The following COL4A6 variants were observed in gnomAD, a reference collection of about 807,000 sequenced individuals.
The protein encoded by COL4A6 is collagen alpha-6(IV) chain.
In COL4A6, 59 loss-of-function variants were observed where a neutral mutation model predicts 126.7. The observed-to-expected ratio is 0.47, with a 90% CI of 0.38 to 0.58. The LOEUF (loss-of-function observed/expected upper bound fraction) is 0.58. COL4A6 is among the 20% of genes least tolerant of loss of function. The probability of loss-of-function intolerance (pLI) is 0.00; values close to 1 mark genes in which losing one functional copy is unlikely to be tolerated. For missense variants in COL4A6, 1,285 were observed against 1,337.3 expected, an observed-to-expected ratio of 0.96 and a Z score of 0.61; for synonymous variants, 547 against 496.6, an observed-to-expected ratio of 1.10 and a Z score of -1.35.
chrX:108,275,243 A>T (rs746894269), intron 3 of COL4A6, among the ~76,000 whole-genome samples: 1 of 111,878 alleles, frequency 8.9e-6, no homozygotes, highest in South Asian at 3.8e-4. Flanking sequence ...AGAACCTTCT[A>T]TTGCTTCCAA....
intron 3 of COL4A6, among the ~76,000 whole-genome samples, chrX:108,287,149 T>C (rs1339838341): frequency 1.8e-5 from 2 of 112,207 alleles, no homozygotes; most frequent in Non-Finnish European, 3.8e-5. Flanking sequence ...GTCTTTCATG[T>C]CTTGACTTAA....
intron 2 of COL4A6, among the ~76,000 whole-genome samples, chrX:108,343,994 T>C (rs1393167830): frequency 4.5e-5 from 5 of 110,978 alleles, no homozygotes; most frequent in Admixed American, 9.6e-5. Flanking sequence ...TAAAATTGCA[T>C]GTTTTTTTTT....
At chrX:108,302,223 G>T (rs1221886592) in intron 3 of COL4A6, among the ~76,000 whole-genome samples, 2 of 111,450 alleles carry the variant, frequency 1.8e-5, no homozygotes. Context: ...TAAATAAAAA[G>T]TGTAAAAGGA....
At chrX:108,418,784 CT>C (rs1020973270) in intron 2 of COL4A6, among the ~76,000 whole-genome samples, 2 of 111,955 alleles carry the variant, frequency 1.8e-5, no homozygotes, top group Non-Finnish European at 3.8e-5. Context: ...TTTGACAAGT[CT>C]TCTTTTTCTT....
chrX:108,182,098 T>A (rs1049700350), intron 23 of COL4A6, among the ~76,000 whole-genome samples: 3 of 112,377 alleles, frequency 2.7e-5, no homozygotes, highest in Non-Finnish European at 5.6e-5. Context: ...CAAGTTGGGC[T>A]CTGAAGCCAG....
chrX:108,161,510 C>T lies in COL4A6; in HGVS notation c.4333+109G>A, dbSNP rs774413385. On this transcript the variant is annotated intron_variant, in intron 42 of 44. Coordinates refer to ENST00000334504, the MANE Select transcript of COL4A6 (RefSeq NM_033641.4). ...AGCATCTTAGGAGTGTCAAGCTCTA[C>T]CACTGGGTTTATTAAGTTTCAGACT... 33 of 504,959 alleles carry T rather than the reference C, an allele frequency of 6.5e-5. No individual in the cohort carries two copies. In the South Asian group the frequency reaches 9.1e-4, roughly 14 times the overall value. The allele number at this position is 504,959 out of a possible 1,213,427, so 41.6% of individuals were successfully genotyped here. A position where few individuals can be genotyped will look rare whatever the true frequency, so the allele number is the denominator to read the frequency against.
chrX:108,218,179 C>T (rs1801983906), intron 5 of COL4A6, among the ~76,000 whole-genome samples: 1 of 112,321 alleles, frequency 8.9e-6, no homozygotes, highest in Admixed American at 9.4e-5. Flanking sequence ...GGAGGAAGGG[C>T]ATACTAAGAC....
intron 2 of COL4A6, among the ~76,000 whole-genome samples, chrX:108,341,544 C>A (rs1195984801): frequency 3.6e-5 from 4 of 110,876 alleles, no homozygotes; most frequent in Admixed American, 1.9e-4. Context: ...GAAAGATGTG[C>A]CTTTTGCCTT....
chrX:108,426,853 T>C (rs970684507), intron 2 of COL4A6, among the ~76,000 whole-genome samples: 3 of 111,912 alleles, frequency 2.7e-5, no homozygotes, highest in Non-Finnish European at 5.6e-5. Flanking sequence ...GATATTTGGC[T>C]TTAAAGTTAC....
intron 2 of COL4A6, among the ~76,000 whole-genome samples, chrX:108,394,662 G>A (rs1195202870): frequency 9.0e-6 from 1 of 111,650 alleles, no homozygotes; most frequent in Non-Finnish European, 1.9e-5. Flanking sequence ...CACAATGTCT[G>A]GCATGTAGAA....
intron 3 of COL4A6, among the ~76,000 whole-genome samples, chrX:108,270,044 T>C (rs755564573): frequency 1.8e-5 from 2 of 112,082 alleles, no homozygotes; most frequent in African/African-American, 3.2e-5. Flanking sequence ...TGGAATTCAG[T>C]GTGGCAAAAA....
rs2034272796 is a variant in COL4A6 at position 108,170,686 on chromosome X, T to A, written c.3416A>T (p.Glu1139Val). The A allele has an allele frequency of 8.3e-7, 1 of 1,205,076 alleles. No homozygotes were observed. Among genetic ancestry groups the A allele is most frequent in the East Asian group, 3.0e-5 (1 of 33,737 alleles). Reference protein sequence around the residue: ...GFPGVAGMRGEPGLPGSSGHQ... With the variant: ...GFPGVAGMRGVPGLPGSSGHQ... ...ACCAGAAGAACCTGGAAGTCCTGGT[T>A]CTCCTCTCATGCCGGCAACTCCTGG... The change falls in exon 35 of 45, where the codon GAA becomes GTA. Residue 1139 changes from glutamate to valine, a missense_variant. Glu to Val is a moderately radical substitution (Grantham distance 121). Transcript: ENST00000334504.
intron 3 of COL4A6, among the ~76,000 whole-genome samples, chrX:108,273,549 C>T (rs1352916812): frequency 8.9e-6 from 1 of 112,138 alleles, no homozygotes; most frequent in Admixed American, 9.4e-5. Context: ...TATTGCAGCA[C>T]TACTCACAAT....
chrX:108,240,407 T>G (rs2036543070), intron 3 of COL4A6, among the ~76,000 whole-genome samples: 1 of 112,594 alleles, frequency 8.9e-6, no homozygotes, highest in Admixed American at 9.4e-5. Context: ...TTAAAATTTT[T>G]ATCTATAAAA....
chrX:108,400,240 G>T (rs1406158508), intron 2 of COL4A6, among the ~76,000 whole-genome samples: 1 of 110,921 alleles, frequency 9.0e-6, no homozygotes, highest in African/African-American at 3.3e-5. Flanking sequence ...ATTTAATTCC[G>T]CTTTCTCCCT....
chrX:108,236,444 T>C (rs1408599399), intron 3 of COL4A6, among the ~76,000 whole-genome samples: 1 of 111,690 alleles, frequency 9.0e-6, no homozygotes, highest in East Asian at 2.8e-4. Context: ...CACACCAAGA[T>C]ACAGCAAGGC....
chrX:108,362,655 C>CA (rs2040113746), intron 2 of COL4A6, among the ~76,000 whole-genome samples: 1 of 112,428 alleles, frequency 8.9e-6, no homozygotes, highest in East Asian at 2.8e-4. Context: ...TTGGAGAACT[C>CA]AGACTATTAG....
intron 23 of COL4A6, chrX:108,183,820 T>C (rs1026688811): frequency 1.3e-5 from 11 of 836,181 alleles, no homozygotes; most frequent in Non-Finnish European, 1.7e-5. Context: ...CAGAAGTTCC[T>C]TGGGGCCCAA....
intron 3 of COL4A6, among the ~76,000 whole-genome samples, chrX:108,231,641 CCT>C (rs2036308565): frequency 9.0e-6 from 1 of 111,434 alleles, no homozygotes; most frequent in South Asian, 3.8e-4. Flanking sequence ...GATATCAAAG[CCT>C]CTGTTTCTTC....
Sources: allele counts gnomAD v4.1 joint callset (sites outside exome capture counted in the v4.1 genomes callset), GRCh38; gene constraint gnomAD v4.1.1; transcripts MANE v1.5; gene names NCBI Gene and HGNC (gene_info 2026-07-23, HGNC 2026-07-21).